The following ATXN8OS variants were observed in gnomAD, a reference collection of about 807,000 sequenced individuals.
The protein encoded by ATXN8OS is ATXN8 opposite strand lncRNA, also known as ATXN8 opposite strand (non-protein coding).
chr13:70,128,966 T>C (rs1297441349), intron 2 of ATXN8OS, among the ~76,000 whole-genome samples: 2 of 152,052 alleles, frequency 1.3e-5, no homozygotes, highest in East Asian at 3.9e-4. Flanking sequence ...GTTCAAGCGA[T>C]TCTCCTGCCT....
rs71784187 is a variant in ATXN8OS, at chr13:70,156,244, AGTGT to A, written n.573+8839_573+8842del. Among the ~76,000 whole-genome samples, 734 of 149,082 alleles carry A rather than the reference AGTGT, an allele frequency of 4.9e-3. 1 individual carries two copies. Among genetic ancestry groups the A allele is most frequent in the Non-Finnish European group, 8.0e-3 (537 of 67,174 alleles). ...GCACAGGTGGGTATGGGTGGGTATGAGTGTGTGTGTGTGTGTGTGTGTGTGTTTA... is the reference window on the plus strand; with the variant it reads ...GCACAGGTGGGTATGGGTGGGTATGAGTGTGTGTGTGTGTGTGTGTGTTTA... On this transcript the variant is annotated intron_variant and non_coding_transcript_variant, in intron 4 of 4. Transcript: ENST00000678624.
intron 3 of ATXN8OS, among the ~76,000 whole-genome samples, chr13:70,142,383 A>G (rs1888729737): frequency 6.6e-6 from 1 of 152,204 alleles, no homozygotes; most frequent in Admixed American, 6.5e-5. Context: ...ATTTACCTTT[A>G]AAGGGGTAGA....
intron 4 of ATXN8OS, among the ~76,000 whole-genome samples, chr13:70,162,413 G>A (rs1010492647): frequency 6.6e-5 from 10 of 152,104 alleles, no homozygotes; most frequent in African/African-American, 2.4e-4. Context: ...CCCACAGGGA[G>A]AAATCCAAGT....
intron 2 of ATXN8OS, among the ~76,000 whole-genome samples, chr13:70,124,201 C>T (rs1888397125): frequency 6.6e-6 from 1 of 152,072 alleles, no homozygotes; most frequent in South Asian, 2.1e-4. Flanking sequence ...GGTGGGCGGT[C>T]TCAGCTCTTT....
At chr13:70,164,046 GTTT>G (rs1306755966) in intron 4 of ATXN8OS, among the ~76,000 whole-genome samples, 4 of 104,676 alleles carry the variant, frequency 3.8e-5, no homozygotes, top group Admixed American at 1.3e-4. Context: ...TAAGCTGGAA[GTTT>G]TTATTCTTAT....
At chr13:70,167,154 T>C (rs2137508241) in intron 4 of ATXN8OS, among the ~76,000 whole-genome samples, 1 of 152,100 alleles carries the variant, frequency 6.6e-6, no homozygotes, top group Middle Eastern at 3.4e-3. Flanking sequence ...GACCCAGCCA[T>C]CCCATTACTG....
intron 3 of ATXN8OS, among the ~76,000 whole-genome samples, chr13:70,142,950 G>A (rs1445087602): frequency 6.6e-6 from 1 of 151,994 alleles, no homozygotes; most frequent in Non-Finnish European, 1.5e-5. Flanking sequence ...GCACACGCCT[G>A]TAATCCTAGT....
chr13:70,117,149 G>A (rs927408198), intron 2 of ATXN8OS, among the ~76,000 whole-genome samples: 4 of 152,006 alleles, frequency 2.6e-5, no homozygotes, highest in Non-Finnish European at 5.9e-5. Context: ...AGTCAACAAT[G>A]TTCTATTACA....
chr13:70,154,469 T>C (rs768881031), intron 4 of ATXN8OS, among the ~76,000 whole-genome samples: 16 of 152,176 alleles, frequency 1.1e-4, no homozygotes, highest in East Asian at 5.8e-4. Context: ...GGATAAGTGA[T>C]TGTGGAATAA....
At chr13:70,131,387 T>C (rs1025574373) in intron 3 of ATXN8OS, 29 of 398,410 alleles carry the variant, frequency 7.3e-5, no homozygotes, top group African/African-American at 3.9e-4. Flanking sequence ...AAATTGCATA[T>C]ATGACCGTGA....
chr13:70,126,599 T>C (rs970979905), intron 2 of ATXN8OS, among the ~76,000 whole-genome samples: 4 of 143,680 alleles, frequency 2.8e-5, no homozygotes, highest in Non-Finnish European at 4.6e-5. Flanking sequence ...TCTATCTATC[T>C]AGACATATTA....
intron 4 of ATXN8OS, among the ~76,000 whole-genome samples, chr13:70,155,912 C>T (rs1194626896): frequency 1.3e-5 from 2 of 151,714 alleles, no homozygotes; most frequent in Non-Finnish European, 2.9e-5. Flanking sequence ...CTGCTTCTTT[C>T]TCTTATATAA....
At chr13:70,155,602 A>C (rs995420086) in intron 4 of ATXN8OS, among the ~76,000 whole-genome samples, 4 of 152,164 alleles carry the variant, frequency 2.6e-5, no homozygotes, top group African/African-American at 7.2e-5. Flanking sequence ...CTCCATTCCC[A>C]AAAAGAAGAT....
intron 2 of ATXN8OS, among the ~76,000 whole-genome samples, chr13:70,127,829 C>T (rs1181580063): frequency 6.6e-6 from 1 of 151,804 alleles, no homozygotes; most frequent in Admixed American, 6.6e-5. Flanking sequence ...CAGAGGCTAA[C>T]TTATTCAAGC....
exon 5 of ATXN8OS, among the ~76,000 whole-genome samples, chr13:70,171,367 A>G (rs1317545373): frequency 6.6e-6 from 1 of 152,160 alleles, no homozygotes; most frequent in Non-Finnish European, 1.5e-5. Context: ...ACTTAATTTA[A>G]TAGCACTTAG....
At chr13:70,116,440 T>C (rs1258980063) in intron 2 of ATXN8OS, among the ~76,000 whole-genome samples, 2 of 152,114 alleles carry the variant, frequency 1.3e-5, no homozygotes, top group Admixed American at 1.3e-4. Flanking sequence ...GACAGTGCCA[T>C]AGCAGAAGGA....
intron 2 of ATXN8OS, among the ~76,000 whole-genome samples, chr13:70,125,088 G>A (rs1888411932): frequency 6.6e-6 from 1 of 151,842 alleles, no homozygotes; most frequent in African/African-American, 2.4e-5. Context: ...GTAAATTATG[G>A]AGGTTTCATT....
chr13:70,149,754 T>C, intron 4 of ATXN8OS, among the ~76,000 whole-genome samples: 1 of 152,098 alleles, frequency 6.6e-6, no homozygotes, highest in East Asian at 1.9e-4. Context: ...GCTAGGGACA[T>C]TATCTGACTA....
intron 2 of ATXN8OS, chr13:70,115,353 C>A (rs1009139681): frequency 5.0e-6 from 2 of 397,484 alleles, no homozygotes; most frequent in African/African-American, 4.1e-5. Flanking sequence ...GTCCTCATGA[C>A]AGAAACACCT....
Sources: gnomAD v4.1 joint callset for allele counts (sites outside exome capture counted in the v4.1 genomes callset) on GRCh38, gnomAD v4.1.1 for gene constraint, MANE v1.5 for transcripts, NCBI Gene and HGNC (gene_info 2026-07-23, HGNC 2026-07-21) for gene names.